Variants in CCNJL observed in about 807,000 individuals in gnomAD.
CCNJL encodes the protein cyclin J like.
Under a neutral mutation model 33.4 loss-of-function variants are expected in CCNJL, and 33 were observed. That is an observed-to-expected ratio of 0.99 (90% CI 0.75 to 1.32). The LOEUF is 1.32. Ranked by LOEUF, CCNJL falls within the 40% of genes most tolerant of loss-of-function variation. The pLI is 0.00. For missense variants in CCNJL, 512 were observed against 499.7 expected (o/e 1.02, Z -0.23); for synonymous variants, 227 against 220.9 (o/e 1.03, Z -0.24).
intron 2 of CCNJL, among the ~76,000 whole-genome samples, chr5:160,295,316 T>C (rs113072772): frequency 5.3e-5 from 8 of 152,220 alleles, no homozygotes; most frequent in Non-Finnish European, 7.4e-5. Context: ...GGTGAAACCC[T>C]GTCTCTACTA....
intron 1 of CCNJL, chr5:160,326,630 G>A: frequency 1.5e-6 from 1 of 653,822 alleles, no homozygotes; most frequent in Non-Finnish European, 2.9e-6. Context: ...TACTGATAAA[G>A]TAGGTTCTTA....
intron 2 of CCNJL, 60 bp downstream of exon 2, chr5:160,311,798 G>T: frequency 6.6e-7 from 1 of 1,523,616 alleles, no homozygotes. Flanking sequence ...AGAACACGAA[G>T]TCGAGACCGA....
intron 2 of CCNJL, among the ~76,000 whole-genome samples, chr5:160,309,932 CTA>C (rs1763209447): frequency 6.6e-6 from 1 of 152,220 alleles, no homozygotes; most frequent in South Asian, 2.1e-4. Flanking sequence ...TCATACGGCA[CTA>C]TGACATGGCT....
At chr5:160,270,792 A>G (rs570939101) in intron 3 of CCNJL, among the ~76,000 whole-genome samples, 1 of 152,070 alleles carries the variant, frequency 6.6e-6, no homozygotes, top group African/African-American at 2.4e-5. Context: ...AACACTTTAA[A>G]CTCCTCAGAA....
At chr5:160,297,456 G>C (rs926363492) in intron 2 of CCNJL, among the ~76,000 whole-genome samples, 9 of 152,088 alleles carry the variant, frequency 5.9e-5, no homozygotes, top group African/African-American at 2.2e-4. Context: ...GGGAGGTCCT[G>C]GGAAGATAGA....
intron 1 of CCNJL, among the ~76,000 whole-genome samples, chr5:160,330,243 G>A (rs1326360828): frequency 6.6e-6 from 1 of 152,058 alleles, no homozygotes; most frequent in African/African-American, 2.4e-5. Context: ...CACCTCAAGG[G>A]CTTAAAAACA....
chr5:160,335,076 A>G (rs1763666226), intron 1 of CCNJL, among the ~76,000 whole-genome samples: 1 of 152,240 alleles, frequency 6.6e-6, no homozygotes, highest in African/African-American at 2.4e-5. Context: ...CAGCCTGGCC[A>G]ACATGGTGAA....
intron 2 of CCNJL, among the ~76,000 whole-genome samples, chr5:160,297,588 G>A (rs1381687102): frequency 6.6e-6 from 1 of 150,536 alleles, no homozygotes; most frequent in African/African-American, 2.5e-5. Context: ...GCCAAGGTGG[G>A]AGGATCGCTT....
chr5:160,332,081 C>G (rs760874165), intron 1 of CCNJL, among the ~76,000 whole-genome samples: 1 of 152,136 alleles, frequency 6.6e-6, no homozygotes, highest in Non-Finnish European at 1.5e-5. Context: ...CATGCCATCT[C>G]TTCTCCCTGC....
chr5:160,254,394 C>A, intron 5 of CCNJL: 1 of 629,492 alleles, frequency 1.6e-6, no homozygotes, highest in Non-Finnish European at 2.8e-6. Context: ...TTTGGGAAAA[C>A]AAAACAATTA....
At chr5:160,287,849 C>A (rs749046327) in intron 2 of CCNJL, among the ~76,000 whole-genome samples, 1 of 150,812 alleles carries the variant, frequency 6.6e-6, no homozygotes, top group African/African-American at 2.4e-5. Context: ...GGGCCACAGG[C>A]GGTGAGAGTG....
chr5:160,268,143 C>T (rs1761684742), intron 3 of CCNJL, among the ~76,000 whole-genome samples: 1 of 152,226 alleles, frequency 6.6e-6, no homozygotes, highest in African/African-American at 2.4e-5. Flanking sequence ...AGGCACTGCT[C>T]ATACGCCCAG....
At chr5:160,291,585 C>G (rs1288618590) in intron 2 of CCNJL, among the ~76,000 whole-genome samples, 2 of 152,192 alleles carry the variant, frequency 1.3e-5, no homozygotes, top group Non-Finnish European at 2.9e-5. Flanking sequence ...CTACGGGGCA[C>G]CTGGTATGCC....
intron 1 of CCNJL, among the ~76,000 whole-genome samples, chr5:160,329,938 C>A (rs1300649497): frequency 6.6e-6 from 1 of 152,136 alleles, no homozygotes; most frequent in South Asian, 2.1e-4. Flanking sequence ...GAGAGACCAC[C>A]ACCCTCTCTT....
In CCNJL at chr5:160,326,641, G is replaced by T. The variant is rs1763539841; in HGVS notation, n.207-11136C>A. ...TAGCTACTGATAAAGTAGGTTCTTA[G>T]AGTTAAAAGCTTGAAATCAGCGGGT... On this transcript the variant is annotated intron_variant and non_coding_transcript_variant, in intron 1 of 7. Coordinates refer to the CCNJL transcript ENST00000377503. 41 of 697,608 alleles carry T rather than the reference G, an allele frequency of 5.9e-5. 1 individual carries two copies. The highest frequency in any genetic ancestry group is 5.6e-4 in the South Asian group (40 of 71,012). The allele number at this position is 697,608 out of a possible 1,614,324, so 43.2% of individuals were successfully genotyped here. A position where few individuals can be genotyped will look rare whatever the true frequency, so the allele number is the denominator to read the frequency against.
chr5:160,317,870 C>T (rs1240105048), upstream of CCNJL, among the ~76,000 whole-genome samples: 3 of 152,126 alleles, frequency 2.0e-5, no homozygotes, highest in Non-Finnish European at 2.9e-5. Context: ...TTCTTTTTTC[C>T]TCTTCCTGGT....
upstream of CCNJL, among the ~76,000 whole-genome samples, chr5:160,317,009 G>A (rs1232069988): frequency 6.6e-6 from 1 of 152,230 alleles, no homozygotes; most frequent in Non-Finnish European, 1.5e-5. Flanking sequence ...GTTTCCTCAT[G>A]GTGTTAATGG....
chr5:160,271,415 A>G lies in CCNJL; in HGVS notation c.280+9110T>C, dbSNP rs750696704. Among the ~76,000 whole-genome samples, 138 of 152,334 alleles carry G rather than the reference A, an allele frequency of 9.1e-4. 2 individuals are homozygous for G. The highest frequency in any genetic ancestry group is 3.1e-4 in the Non-Finnish European group (21 of 68,032). Reference sequence around the variant, plus strand: ...GAGCCCGGAAAGTTAGGCCCTGGACAAACAGGTCTGGGTGTTAAACTTGCT... The same window carrying G: ...GAGCCCGGAAAGTTAGGCCCTGGACGAACAGGTCTGGGTGTTAAACTTGCT... On this transcript the variant is annotated intron_variant, in intron 3 of 5. Coordinates refer to ENST00000257536, the MANE Select transcript of CCNJL (RefSeq NM_001308173.3).
In CCNJL at chr5:160,311,853, C is replaced by A; in HGVS notation, c.66+5G>T. On this transcript the variant is annotated splice_donor_5th_base_variant and intron_variant, in intron 2 of 5. Transcript: ENST00000257536. ...TGAGAGTGACAAGGGCAGGGAGGGA[C>A]TGACCTTCTCGCGCAGGGTGCAGTG... 6.2e-7 allele frequency: 1 copy of A among 1,613,680 alleles called. No individual in the cohort carries two copies. Among genetic ancestry groups the A allele is most frequent in the Non-Finnish European group, 8.5e-7 (1 of 1,179,542 alleles).
Sources: allele counts gnomAD v4.1 joint callset (sites outside exome capture counted in the v4.1 genomes callset), GRCh38; gene constraint gnomAD v4.1.1; transcripts MANE v1.5; gene names NCBI Gene and HGNC (gene_info 2026-07-23, HGNC 2026-07-21).